Variants in SMC6 observed in about 807,000 individuals in gnomAD.
SMC6 encodes the protein structural maintenance of chromosomes protein 6.
Under a neutral mutation model 142.2 loss-of-function variants are expected in SMC6, and 79 were observed. The ratio of observed to expected loss-of-function variants is 0.56; its 90% CI spans 0.46 to 0.67. The LOEUF (loss-of-function observed/expected upper bound fraction) is 0.67. Among genes scored for constraint, SMC6 ranks in the 30% least tolerant of loss-of-function variants. The pLI is 0.00. For missense variants in SMC6, 1,072 were observed against 1,284.0 expected (o/e 0.83, Z 2.52); for synonymous variants, 411 against 412.4 (o/e 1.00, Z 0.04).
In SMC6 at chr2:17,753,023, G is replaced by C; in HGVS notation, c.-51C>G. The C allele has an allele frequency of 1.0e-6, 1 of 985,064 alleles. No individual in the cohort carries two copies. Among genetic ancestry groups the C allele is most frequent in the Non-Finnish European group, 1.2e-6 (1 of 829,644 alleles). The allele number at this position is 985,064 out of a possible 1,614,324, so 61.0% of individuals were successfully genotyped here. A position where few individuals can be genotyped will look rare whatever the true frequency, so the allele number is the denominator to read the frequency against. On this transcript the variant is annotated 5_prime_UTR_variant, in exon 2 of 28. Coordinates refer to ENST00000448223, the MANE Select transcript of SMC6 (RefSeq NM_001142286.2). ...CAACCTTTCTCTACCCTAGAGTCCTGTTTTCCGCAATTCCCAATTGGGATT... is the reference window on the plus strand; with the variant it reads ...CAACCTTTCTCTACCCTAGAGTCCTCTTTTCCGCAATTCCCAATTGGGATT...
chr2:17,747,499 TTTTC>T (rs1302181423), intron 2 of SMC6, among the ~76,000 whole-genome samples: 11 of 121,386 alleles, frequency 9.1e-5, no homozygotes, highest in East Asian at 2.6e-4. Flanking sequence ...CTTTTTTTCT[TTTTC>T]TTTCTTTTTT....
chr2:17,711,486 T>G (rs1668823450), intron 16 of SMC6, among the ~76,000 whole-genome samples: 1 of 152,104 alleles, frequency 6.6e-6, no homozygotes, highest in African/African-American at 2.4e-5. Flanking sequence ...TAAGCGGAGT[T>G]ACAGGACAAA....
chr2:17,726,522 T>C (rs1194237665), intron 7 of SMC6, 53 bp from the exon 8 acceptor site: 11 of 1,476,370 alleles, frequency 7.5e-6, no homozygotes, highest in Admixed American at 1.8e-5. Context: ...GCTTTAAAGA[T>C]AGGTAAAAAC....
intron 5 of SMC6, among the ~76,000 whole-genome samples, chr2:17,733,332 C>A (rs1045163899): frequency 6.6e-6 from 1 of 152,202 alleles, no homozygotes; most frequent in Non-Finnish European, 1.5e-5. Flanking sequence ...TTTTCCATCC[C>A]ATCCTCTTGG....
At chr2:17,730,891 G>A (rs1448410417) in intron 7 of SMC6, among the ~76,000 whole-genome samples, 187 bp downstream of exon 7, 2 of 152,012 alleles carry the variant, frequency 1.3e-5, no homozygotes, top group Non-Finnish European at 2.9e-5. Context: ...TGGGATTACA[G>A]GTGTGAGCCA....
intron 9 of SMC6, among the ~76,000 whole-genome samples, chr2:17,724,040 T>C (rs907673891): frequency 6.6e-6 from 1 of 152,162 alleles, no homozygotes; most frequent in Admixed American, 6.5e-5. Flanking sequence ...ATACTTTGTA[T>C]ACCATGGAGA....
At chr2:17,749,583 G>A (rs1670921152) in intron 2 of SMC6, among the ~76,000 whole-genome samples, 2 of 152,116 alleles carry the variant, frequency 1.3e-5, no homozygotes, top group Non-Finnish European at 2.9e-5. Flanking sequence ...AGCTACTCAG[G>A]AGGCTGAGGC....
chr2:17,750,233 A>G (rs1670956381), intron 2 of SMC6, among the ~76,000 whole-genome samples: 1 of 152,220 alleles, frequency 6.6e-6, no homozygotes, highest in Non-Finnish European at 1.5e-5. Flanking sequence ...AGCAGAAGAG[A>G]TGAGTTGCTA....
chr2:17,690,950 ATAC>A (rs1667681917), intron 23 of SMC6, among the ~76,000 whole-genome samples: 1 of 151,916 alleles, frequency 6.6e-6, no homozygotes, highest in South Asian at 2.1e-4. Flanking sequence ...TATGGAGTTT[ATAC>A]TACTAAAAAA....
intron 16 of SMC6, among the ~76,000 whole-genome samples, chr2:17,709,826 T>C (rs561337465): frequency 6.6e-6 from 1 of 152,244 alleles, no homozygotes; most frequent in African/African-American, 2.4e-5. Context: ...GGAAATGATA[T>C]AGTCACATAA....
Position 17,665,387 on chromosome 2 carries a change from T to A in SMC6, c.*112A>T. The A allele has an allele frequency of 2.0e-6, 1 of 512,424 alleles. No homozygotes were observed. The highest frequency in any genetic ancestry group is 6.0e-5 in the South Asian group (1 of 16,606). 31.7% of individuals were successfully genotyped at this position (512,424 alleles called of 1,614,324 possible). A position where few individuals can be genotyped will look rare whatever the true frequency, so the allele number is the denominator to read the frequency against. On this transcript the variant is annotated 3_prime_UTR_variant, in exon 28 of 28. Transcript: ENST00000448223. Reference sequence around the variant, plus strand: ...GATTGTGGTTGGATATATAAAGGAGTTTCTTTCATTTCAGAATGCCTCCAG... The same window carrying A: ...GATTGTGGTTGGATATATAAAGGAGATTCTTTCATTTCAGAATGCCTCCAG...
chr2:17,700,418 C>CT (rs760283573), intron 20 of SMC6, 40 bp from the exon 21 acceptor site: 22 of 1,456,804 alleles, frequency 1.5e-5, no homozygotes, highest in Middle Eastern at 1.9e-4. Flanking sequence ...AATTAAAATA[C>CT]TTTAAGTTTT....
At chr2:17,734,818 G>A (rs1053248106) in intron 5 of SMC6, among the ~76,000 whole-genome samples, 6 of 151,834 alleles carry the variant, frequency 4.0e-5, no homozygotes, top group South Asian at 2.1e-4. Flanking sequence ...TGCAATCTCC[G>A]CCTCCCAGGT....
chr2:17,722,322 T>TA, intron 9 of SMC6, among the ~76,000 whole-genome samples: 1 of 152,172 alleles, frequency 6.6e-6, no homozygotes, highest in Non-Finnish European at 1.5e-5. Flanking sequence ...CCTCTACCTA[T>TA]ATCTTGGATT....
At chr2:17,689,871 TTC>T (rs1253080084) in intron 23 of SMC6, among the ~76,000 whole-genome samples, 2 of 152,234 alleles carry the variant, frequency 1.3e-5, no homozygotes, top group Non-Finnish European at 2.9e-5. Context: ...TACTATTGTG[TTC>T]TTTTTTTGTT....
At chr2:17,713,488 C>T in intron 16 of SMC6, 1 of 471,116 alleles carries the variant, frequency 2.1e-6, no homozygotes, top group Non-Finnish European at 4.4e-6. Flanking sequence ...CACAATGTGC[C>T]AGCAAGGCAG....
chr2:17,688,552 G>C (rs117325779), intron 23 of SMC6, among the ~76,000 whole-genome samples: 1 of 151,994 alleles, frequency 6.6e-6, no homozygotes, highest in South Asian at 2.1e-4. Flanking sequence ...ACAACAGAGC[G>C]AGACCCTGTC....
rs1301317886 is a variant in SMC6 at position 17,716,174 on chromosome 2, T to G, written c.1437A>C (p.Arg479Ser). 1.9e-6 allele frequency: 3 copies of G among 1,612,592 alleles called. No homozygotes were observed. In the African/African-American group the frequency reaches 4.0e-5, roughly 22 times the overall value. ...LKDSKTDRLK[R>S]FGPNVPALLE... Reference sequence around the variant, plus strand: ...GAAGAGCTGGAACATTAGGGCCAAATCTTTTGAGTCGATCAGTTTTACTAT... The same window carrying G: ...GAAGAGCTGGAACATTAGGGCCAAAGCTTTTGAGTCGATCAGTTTTACTAT... The change falls in exon 15 of 28, where the codon AGA (arginine) becomes AGC (serine). Residue 479 changes from arginine to serine, a missense_variant. Coordinates refer to ENST00000448223, the MANE Select transcript of SMC6 (RefSeq NM_001142286.2).
intron 25 of SMC6, among the ~76,000 whole-genome samples, chr2:17,678,086 A>G (rs1353244745): frequency 6.6e-6 from 1 of 152,130 alleles, no homozygotes; most frequent in African/African-American, 2.4e-5. Context: ...AATCAAGTTG[A>G]ACACGGCAGT....
Sources: gnomAD v4.1 joint callset for allele counts (sites outside exome capture counted in the v4.1 genomes callset) on GRCh38, gnomAD v4.1.1 for gene constraint, MANE v1.5 for transcripts, NCBI Gene and HGNC (gene_info 2026-07-23, HGNC 2026-07-21) for gene names.